ZNF131: variants seen among roughly 807,000 people sequenced by gnomAD.
The protein encoded by ZNF131 is zinc finger protein 131.
Under a neutral mutation model 60.0 loss-of-function variants are expected in ZNF131, and 7 were observed. The ratio of observed to expected loss-of-function variants is 0.12; its 90% CI spans 0.07 to 0.22. The LOEUF (loss-of-function observed/expected upper bound fraction) is 0.22. Among genes scored for constraint, ZNF131 ranks in the 10% least tolerant of loss-of-function variants. ZNF131 has a pLI of 1.00. For missense variants in ZNF131, 493 were observed against 740.9 expected (o/e 0.67, Z 3.88); for synonymous variants, 257 against 253.2 (o/e 1.01, Z -0.14).
intron 4 of ZNF131, among the ~76,000 whole-genome samples, chr5:43,146,956 A>C (rs1432167174): frequency 6.6e-6 from 1 of 152,132 alleles, no homozygotes; most frequent in Non-Finnish European, 1.5e-5. Context: ...CACAATCAAG[A>C]TCAGGGGAAC....
rs531673456 is a variant in ZNF131, at chr5:43,154,387, C to G, written c.372-6862C>G. Among the ~76,000 whole-genome samples the G allele has an allele frequency of 4.6e-5, 7 of 151,692 alleles. No homozygotes were observed. The East Asian group carries it at 1.2e-3, about 25-fold the overall frequency. On this transcript the variant is annotated intron_variant, in intron 4 of 6. Coordinates refer to ENST00000682664, the MANE Select transcript of ZNF131 (RefSeq NM_001330707.2). The stretch of plus-strand genomic sequence containing the variant: ...TGAGATTGCGCCACTGCACTCCAGC[C>G]TGGGCTCCAGAGCGAGACTCCGTCT...
chr5:43,148,043 C>CT (rs55979930), intron 4 of ZNF131, among the ~76,000 whole-genome samples: 7,289 of 123,668 alleles, frequency 0.059, 275 homozygotes, highest in South Asian at 0.12. Flanking sequence ...GACAAGAGTG[C>CT]TTTTTTTTTT....
chr5:43,125,374 G>A (rs1054888854), intron 3 of ZNF131, among the ~76,000 whole-genome samples: 2 of 151,544 alleles, frequency 1.3e-5, no homozygotes, highest in African/African-American at 2.4e-5. Context: ...GATCAGGCTG[G>A]TCTCGAATTC....
chr5:43,169,359 GCT>G (rs1194084755), intron 5 of ZNF131, among the ~76,000 whole-genome samples: 1 of 152,164 alleles, frequency 6.6e-6, no homozygotes, highest in Admixed American at 6.5e-5. Flanking sequence ...ATAGGAAAAA[GCT>G]CAGATGGCAC....
At chr5:43,140,928 A>G (rs1482173935) in intron 4 of ZNF131, among the ~76,000 whole-genome samples, 1 of 152,146 alleles carries the variant, frequency 6.6e-6, no homozygotes, top group Non-Finnish European at 1.5e-5. Context: ...CATGTTGCCC[A>G]GGCTGGTCTC....
intron 3 of ZNF131, among the ~76,000 whole-genome samples, chr5:43,132,747 A>G (rs1450220344): frequency 6.6e-6 from 1 of 152,046 alleles, no homozygotes; most frequent in Non-Finnish European, 1.5e-5. Flanking sequence ...TCCTGACCTC[A>G]AGTAATCTGC....
chr5:43,132,164 T>A (rs1385394067), intron 3 of ZNF131, among the ~76,000 whole-genome samples: 1 of 152,210 alleles, frequency 6.6e-6, no homozygotes, highest in Non-Finnish European at 1.5e-5. Flanking sequence ...CTTGTGCTTT[T>A]AAACTTTTGG....
At chr5:43,147,982 A>T (rs145149841) in intron 4 of ZNF131, among the ~76,000 whole-genome samples, 2,589 of 148,818 alleles carry the variant, frequency 0.017, 80 homozygotes, top group African/African-American at 0.061. Context: ...TGAACTTGGG[A>T]GGCAGAGGTT....
In ZNF131 at chr5:43,161,579, C is replaced by G. The variant is rs1018173631; in HGVS notation, c.702C>G (p.Gly234=). Reference sequence around the variant, plus strand: ...GAAAAGGGCAGATTAAAGAAGATGGCTGTCCATCTGACCCCACGAGCAAAC... The same window carrying G: ...GAAAAGGGCAGATTAAAGAAGATGGGTGTCCATCTGACCCCACGAGCAAAC... ...GDRKGQIKED[G]CPSDPTSKQV... is the part of the protein sequence containing the mutation. Residue 234 remains glycine (G), a synonymous_variant, in exon 5 of 7, where the codon GGC becomes GGG. Transcript: ENST00000682664. 1.2e-6 allele frequency: 2 copies of G among 1,614,116 alleles called. No homozygotes were observed. Among genetic ancestry groups the G allele is most frequent in the Non-Finnish European group, 1.7e-6 (2 of 1,180,054 alleles).
chr5:43,174,627 T>C lies in ZNF131; in HGVS notation c.1366T>C (p.Ser456Pro), dbSNP rs775830916. 3 of 1,614,064 alleles carry C rather than the reference T, an allele frequency of 1.9e-6. No individual in the cohort carries two copies. The highest frequency in any genetic ancestry group is 2.7e-5 in the African/African-American group (2 of 74,928). The part of the protein sequence containing the change: ...SERLVTEEVL[S>P]VETRVQTEPV... ...GCGTCTAGTAACGGAAGAAGTTCTTTCAGTAGAAACACGTGTGCAAACTGA... is the reference window on the plus strand; with the variant it reads ...GCGTCTAGTAACGGAAGAAGTTCTTCCAGTAGAAACACGTGTGCAAACTGA... The change falls in exon 7 of 7, where the codon TCA becomes CCA. Residue 456 changes from serine (S) to proline (P), a missense_variant. Ser to Pro is a moderately conservative substitution (Grantham distance 74). Around this residue, in one of 7 missense-constraint regions of ZNF131, gnomAD observed 202 missense variants for 221.3 expected, o/e 0.91. Coordinates refer to ENST00000682664, the MANE Select transcript of ZNF131 (RefSeq NM_001330707.2).
intron 3 of ZNF131, among the ~76,000 whole-genome samples, chr5:43,131,827 G>C (rs1281503758): frequency 6.6e-6 from 1 of 151,872 alleles, no homozygotes; most frequent in East Asian, 1.9e-4. Flanking sequence ...AAAAATGGGG[G>C]GACTTTAGTA....
chr5:43,140,580 T>C (rs1407939272), intron 4 of ZNF131, among the ~76,000 whole-genome samples: 1 of 152,250 alleles, frequency 6.6e-6, no homozygotes, highest in Non-Finnish European at 1.5e-5. Context: ...TGTTTCTCAA[T>C]ACAGATCATT....
chr5:43,141,736 C>T (rs1477900428), intron 4 of ZNF131, among the ~76,000 whole-genome samples: 2 of 150,802 alleles, frequency 1.3e-5, no homozygotes, highest in Non-Finnish European at 1.5e-5. Context: ...CACCACTGCA[C>T]TCCAGCCTGG....
intron 1 of ZNF131, chr5:43,121,819 C>T: frequency 2.7e-6 from 1 of 373,624 alleles, no homozygotes; most frequent in Non-Finnish European, 4.8e-6. Flanking sequence ...CGTCTCCCGA[C>T]TCCAATTAGG....
chr5:43,143,898 CTTTTTTTTTTTTTTTTTTTTTTTTTTT>C (rs79246574), intron 4 of ZNF131, among the ~76,000 whole-genome samples: 3 of 34,974 alleles, frequency 8.6e-5, no homozygotes, highest in East Asian at 1.9e-3. Flanking sequence ...ATTGTCAGAG[CTTTTTTTTTTTTTTTTTTTTTTTTTTT>C]TTTTTTTTTT....
chr5:43,159,695 C>CAAAAAAA (rs35599400), intron 4 of ZNF131, among the ~76,000 whole-genome samples: 1 of 93,404 alleles, frequency 1.1e-5, no homozygotes, highest in Non-Finnish European at 2.0e-5. Flanking sequence ...TACTCTGTCT[C>CAAAAAAA]AAAAAAAAAA....
chr5:43,162,140 C>T (rs1429306001), intron 5 of ZNF131, among the ~76,000 whole-genome samples: 1 of 152,130 alleles, frequency 6.6e-6, no homozygotes, highest in African/African-American at 2.4e-5. Flanking sequence ...GTAATTGTTA[C>T]TTTTATGCCT....
chr5:43,139,406 G>C, intron 4 of ZNF131, 97 bp downstream of exon 4: 7 of 1,199,100 alleles, frequency 5.8e-6, no homozygotes, highest in Non-Finnish European at 6.6e-6. Flanking sequence ...ATGAAGAACA[G>C]AGTTCTTCAG....
chr5:43,171,258 T>C (rs1381831933), intron 5 of ZNF131, among the ~76,000 whole-genome samples: 1 of 152,104 alleles, frequency 6.6e-6, no homozygotes, highest in Non-Finnish European at 1.5e-5. Flanking sequence ...TGTCCCCTCT[T>C]CTTTTATTCT....
Sources: allele counts gnomAD v4.1 joint callset (sites outside exome capture counted in the v4.1 genomes callset), GRCh38; gene constraint gnomAD v4.1.1; regional missense constraint gnomAD v4.1.1; transcripts MANE v1.5; gene names NCBI Gene and HGNC (gene_info 2026-07-23, HGNC 2026-07-21).